The following ATRNL1 variants were observed in gnomAD, a reference collection of about 807,000 sequenced individuals.
The protein encoded by ATRNL1 is attractin-like protein 1.
Under a neutral mutation model 182.7 loss-of-function variants are expected in ATRNL1, and 95 were observed. That is an observed-to-expected ratio of 0.52 (90% confidence interval 0.44 to 0.62). The LOEUF is 0.62. ATRNL1 is among the 20% of genes least tolerant of loss of function. ATRNL1 has a pLI of 0.00. For synonymous variants in ATRNL1, 576 were observed against 568.3 expected (o/e 1.01, Z -0.19); for missense variants, 1,471 against 1,679.5 (o/e 0.88, Z 2.17).
chr10:115,563,909 A>C (rs1555000636), intron 26 of ATRNL1, among the ~76,000 whole-genome samples: 1 of 152,052 alleles, frequency 6.6e-6, no homozygotes, highest in Non-Finnish European at 1.5e-5. Context: ...AAATAATATA[A>C]TTAGAAAAAA....
chr10:115,319,713 CTT>C (rs372815324), intron 18 of ATRNL1, among the ~76,000 whole-genome samples: 10 of 141,588 alleles, frequency 7.1e-5, no homozygotes, highest in Admixed American at 7.1e-5. Flanking sequence ...GCATCCCCTG[CTT>C]TTTTTTTTTT....
intron 17 of ATRNL1, among the ~76,000 whole-genome samples, chr10:115,313,533 T>A (rs1854141393): frequency 6.6e-6 from 1 of 152,206 alleles, no homozygotes; most frequent in South Asian, 2.1e-4. Flanking sequence ...ATGAAGCTTA[T>A]TTCATTCGCC....
At chr10:115,829,712 C>G (rs1555093036) in intron 27 of ATRNL1, among the ~76,000 whole-genome samples, 1 of 151,980 alleles carries the variant, frequency 6.6e-6, no homozygotes, top group Non-Finnish European at 1.5e-5. Flanking sequence ...AAGGGATTTT[C>G]TTTTCCTTTA....
At chr10:115,767,038 C>T (rs1555075209) in intron 27 of ATRNL1, among the ~76,000 whole-genome samples, 1 of 152,122 alleles carries the variant, frequency 6.6e-6, no homozygotes, top group Non-Finnish European at 1.5e-5. Context: ...TTCACAATTG[C>T]AAGGGTTTAT....
chr10:115,578,284 A>C (rs974304616), intron 26 of ATRNL1, among the ~76,000 whole-genome samples: 5 of 151,930 alleles, frequency 3.3e-5, no homozygotes, highest in Middle Eastern at 3.4e-3. Flanking sequence ...GTTTGGAAGT[A>C]TTCCCTCTAT....
At chr10:115,748,593 A>G (rs1484590506) in intron 27 of ATRNL1, among the ~76,000 whole-genome samples, 2 of 151,870 alleles carry the variant, frequency 1.3e-5, no homozygotes, top group Non-Finnish European at 2.9e-5. Context: ...TATAATTAAT[A>G]TAAATATTTT....
chr10:115,457,572 A>G (rs1847587465), intron 21 of ATRNL1, among the ~76,000 whole-genome samples: 1 of 151,970 alleles, frequency 6.6e-6, no homozygotes, highest in Non-Finnish European at 1.5e-5. Flanking sequence ...TTTAATGACT[A>G]TTTTAGATCT....
At chr10:115,234,777 C>T (rs1441738173) in intron 9 of ATRNL1, among the ~76,000 whole-genome samples, 2 of 151,630 alleles carry the variant, frequency 1.3e-5, no homozygotes, top group Admixed American at 6.6e-5. Flanking sequence ...TTATTAGGGA[C>T]CGGGTTTTGC....
chr10:115,313,994 C>T (rs1388093624), intron 17 of ATRNL1, among the ~76,000 whole-genome samples: 1 of 151,948 alleles, frequency 6.6e-6, no homozygotes, highest in Non-Finnish European at 1.5e-5. Flanking sequence ...ATGTTTTAAA[C>T]CAACAAAACT....
intron 24 of ATRNL1, among the ~76,000 whole-genome samples, chr10:115,469,845 TCTA>T (rs1332673721): frequency 6.6e-5 from 10 of 150,562 alleles, no homozygotes; most frequent in Non-Finnish European, 1.5e-4. Flanking sequence ...TTAGAGGTAG[TCTA>T]CTTAAGACGT....
intron 28 of ATRNL1, among the ~76,000 whole-genome samples, chr10:115,863,153 G>A (rs1343835420): frequency 6.6e-6 from 1 of 152,130 alleles, no homozygotes; most frequent in East Asian, 1.9e-4. Flanking sequence ...GTACACTTTT[G>A]TATATAACTC....
intron 28 of ATRNL1, among the ~76,000 whole-genome samples, chr10:115,930,466 G>A (rs1953361447): frequency 6.6e-6 from 1 of 152,088 alleles, no homozygotes; most frequent in Non-Finnish European, 1.5e-5. Context: ...ATACTGATCT[G>A]AACAGTTCAG....
At chr10:115,691,268 C>T (rs1555048105) in intron 26 of ATRNL1, among the ~76,000 whole-genome samples, 1 of 152,186 alleles carries the variant, frequency 6.6e-6, no homozygotes, top group Non-Finnish European at 1.5e-5. Context: ...ATTTTCTCCA[C>T]TTCCTTACCA....
intron 24 of ATRNL1, among the ~76,000 whole-genome samples, chr10:115,488,672 C>A (rs1172936781): frequency 2.0e-5 from 3 of 152,214 alleles, no homozygotes; most frequent in Admixed American, 6.5e-5. Flanking sequence ...TTTCAAAAAA[C>A]CAGCTCCTGG....
intron 5 of ATRNL1, among the ~76,000 whole-genome samples, chr10:115,142,341 G>T (rs901216619): frequency 1.3e-5 from 2 of 152,142 alleles, no homozygotes; most frequent in Non-Finnish European, 2.9e-5. Flanking sequence ...AGACCCTAAG[G>T]CAAGAGCAAG....
chr10:115,527,080 C>G (rs1184622483), intron 25 of ATRNL1, among the ~76,000 whole-genome samples: 1 of 150,706 alleles, frequency 6.6e-6, no homozygotes, highest in Non-Finnish European at 1.5e-5. Flanking sequence ...GGCCACTAGT[C>G]AGTTATGCTC....
At chr10:115,293,920 T>C (rs1032379051) in intron 15 of ATRNL1, among the ~76,000 whole-genome samples, 2 of 152,118 alleles carry the variant, frequency 1.3e-5, no homozygotes, top group African/African-American at 4.8e-5. Flanking sequence ...ATGATTTGAG[T>C]ATTGTGTGCA....
intron 26 of ATRNL1, among the ~76,000 whole-genome samples, chr10:115,563,096 A>T (rs890263446): frequency 1.1e-4 from 17 of 152,174 alleles, no homozygotes; most frequent in Admixed American, 1.1e-3. Flanking sequence ...GGTGATTTAT[A>T]AAGGAAGAAG....
At chr10:115,816,344 C>T (rs1409238358) in intron 27 of ATRNL1, among the ~76,000 whole-genome samples, 1 of 152,080 alleles carries the variant, frequency 6.6e-6, no homozygotes, top group African/African-American at 2.4e-5. Context: ...ATGAAACATT[C>T]CATTGGCTTA....
Sources: allele counts gnomAD v4.1 joint callset (sites outside exome capture counted in the v4.1 genomes callset), GRCh38; gene constraint gnomAD v4.1.1; transcripts MANE v1.5; gene names NCBI Gene and HGNC (gene_info 2026-07-23, HGNC 2026-07-21).